ADGRA3: variants seen among roughly 807,000 people sequenced by gnomAD.
The protein encoded by ADGRA3 is G-protein coupled receptor 125.
A neutral mutation model predicts 119.8 loss-of-function variants in ADGRA3; 56 were observed. That is an observed-to-expected ratio of 0.47 (90% CI 0.38 to 0.58). The LOEUF (loss-of-function observed/expected upper bound fraction) is 0.58. ADGRA3 is among the 20% of genes least tolerant of loss of function. The probability of loss-of-function intolerance (pLI) is 0.00; values close to 1 mark genes in which losing one functional copy is unlikely to be tolerated. For synonymous variants in ADGRA3, 607 were observed against 623.8 expected, an observed-to-expected ratio of 0.97 and a Z score of 0.40; for missense variants, 1,516 against 1,649.0, an observed-to-expected ratio of 0.92 and a Z score of 1.40.
intron 16 of ADGRA3, among the ~76,000 whole-genome samples, chr4:22,400,438 A>G (rs1714566459): frequency 1.3e-5 from 2 of 152,188 alleles, no homozygotes; most frequent in Non-Finnish European, 2.9e-5. Flanking sequence ...TAAGTAAGTC[A>G]ATGAAGGACA....
At chr4:22,479,657 A>G (rs1718184994) in intron 1 of ADGRA3, among the ~76,000 whole-genome samples, 1 of 152,094 alleles carries the variant, frequency 6.6e-6, no homozygotes, top group African/African-American at 2.4e-5. Flanking sequence ...TATATACCCA[A>G]AGAATTATAA....
chr4:22,460,663 G>A (rs1477866427), intron 3 of ADGRA3, among the ~76,000 whole-genome samples: 1 of 152,164 alleles, frequency 6.6e-6, no homozygotes, highest in Non-Finnish European at 1.5e-5. Flanking sequence ...AGAGTTCTAA[G>A]CCACCTCTTT....
Position 22,401,543 on chromosome 4 carries a change from A to G in ADGRA3, c.2369T>C (p.Ile790Thr). ...AAGCATGTGCCAGCTCTTGAGGCTGATTCTAATCAAACTGTTTAAAAAAGA... is the reference window on the plus strand; with the variant it reads ...AAGCATGTGCCAGCTCTTGAGGCTGGTTCTAATCAAACTGTTTAAAAAAGA... ...SYIYHHSLIR[I>T]SLKSWHMLVN... is the part of the protein sequence containing the mutation. Residue 790 changes from isoleucine (I) to threonine (T), a missense_variant, in exon 16 of 19, where the codon ATC becomes ACC. By Grantham distance (89) the Ile-to-Thr change is moderately conservative (BLOSUM62 -1). Transcript: ENST00000334304. 1 of 1,604,792 alleles carries G rather than the reference A, an allele frequency of 6.2e-7. No individual in the cohort carries two copies. Among genetic ancestry groups the G allele is most frequent in the South Asian group, 1.1e-5 (1 of 89,152 alleles).
chr4:22,448,869 A>C (rs2012603), intron 4 of ADGRA3, among the ~76,000 whole-genome samples: 1 of 152,222 alleles, frequency 6.6e-6, no homozygotes, highest in Non-Finnish European at 1.5e-5. Context: ...AGGAAAGGGA[A>C]GTCTTTTATT....
chr4:22,422,492 ATT>A (rs1265329149), intron 11 of ADGRA3, among the ~76,000 whole-genome samples: 1 of 152,048 alleles, frequency 6.6e-6, no homozygotes, highest in Non-Finnish European at 1.5e-5. Flanking sequence ...GTGTATTCTA[ATT>A]TTTTGCTAGT....
At chr4:22,488,769 A>G (rs374285611) in intron 1 of ADGRA3, among the ~76,000 whole-genome samples, 1 of 152,338 alleles carries the variant, frequency 6.6e-6, no homozygotes, top group South Asian at 2.1e-4. Context: ...ATTTGGGGAA[A>G]ACATAATTTT....
Position 22,413,230 on chromosome 4 carries a change from A to G in ADGRA3, c.2184T>C (p.Asn728=), listed in dbSNP as rs750375309. The change falls in exon 14 of 19, where the codon AAT becomes AAC. Residue 728 remains asparagine (N), a synonymous_variant. Transcript: ENST00000334304. ...GGGAGTAGCACTGAATCGTAGTGAT[A>G]TTTTCATCTGAATAGAGTATATGGC... The part of the protein sequence containing the change: ...DGCHILYSDE[N]ITTIQCYSLS... The G allele has an allele frequency of 6.2e-7, 1 of 1,614,088 alleles. No individual in the cohort carries two copies. The highest frequency in any genetic ancestry group is 2.2e-5 in the East Asian group (1 of 44,874).
At position 22,436,567 on chromosome 4, in the gene ADGRA3, G is replaced by A. The variant is rs1474458118; in HGVS notation, c.1160C>T (p.Pro387Leu). The A allele has an allele frequency of 3.1e-6, 5 of 1,613,826 alleles. No homozygotes were observed. The highest frequency in any genetic ancestry group is 3.4e-6 in the Non-Finnish European group (4 of 1,179,988). Residue 387 changes from proline to leucine, a missense_variant, in exon 9 of 19, where the codon CCC becomes CTC. Coordinates refer to ENST00000334304, the MANE Select transcript of ADGRA3 (RefSeq NM_145290.4). ...TRNTHGSGIY[P>L]GNPQDERKAW... ...TTTTCTCTCATCCTGTGGGTTTCCGGGATATATCCCACTGCCATGGGTGTT... is the reference window on the plus strand; with the variant it reads ...TTTTCTCTCATCCTGTGGGTTTCCGAGATATATCCCACTGCCATGGGTGTT...
chr4:22,443,575 AATT>A (rs1267566613), intron 6 of ADGRA3, among the ~76,000 whole-genome samples: 22 of 152,156 alleles, frequency 1.4e-4, no homozygotes, highest in African/African-American at 3.6e-4. Flanking sequence ...TGAAGCAAGA[AATT>A]ATTAACGAGC....
At chr4:22,498,931 A>C (rs1379859036) in intron 1 of ADGRA3, among the ~76,000 whole-genome samples, 12 of 144,864 alleles carry the variant, frequency 8.3e-5, no homozygotes, top group African/African-American at 3.1e-4. Flanking sequence ...AACAAAAAAA[A>C]CAAAAAAACA....
intron 12 of ADGRA3, chr4:22,414,428 T>G (rs1715349771): frequency 4.3e-6 from 2 of 465,642 alleles, no homozygotes; most frequent in African/African-American, 4.0e-5. Flanking sequence ...TTTTTCAGAT[T>G]TCTTTATTGA....
chr4:22,388,371 G>A lies in ADGRA3; in HGVS notation c.3300C>T (p.Asn1100=), dbSNP rs769350883. The change falls in exon 19 of 19, where the codon AAC becomes AAT. Residue 1100 remains asparagine, a synonymous_variant. Transcript: ENST00000334304. ...AATTTTTGAAGCTTGAAGCACTTTTGTTTGTGCATGAAGACTCCGCACTGC... is the reference window on the plus strand; with the variant it reads ...AATTTTTGAAGCTTGAAGCACTTTTATTTGTGCATGAAGACTCCGCACTGC... ...PNSSAESSCT[N]KSASSFKNSS... The A allele has an allele frequency of 5.0e-6, 8 of 1,614,014 alleles. No individual in the cohort carries two copies. In the Admixed American group the frequency reaches 5.0e-5, roughly 10 times the overall value.
chr4:22,420,649 G>C, intron 12 of ADGRA3: 2 of 564,622 alleles, frequency 3.5e-6, no homozygotes, highest in East Asian at 5.7e-5. Context: ...GTTATAAAAT[G>C]TAATTTCTGA....
rs116595848 is a variant in ADGRA3 at position 22,435,914 on chromosome 4, T to A, written c.1288-448A>T. Among the ~76,000 whole-genome samples, 1,508 of 152,286 alleles carry A rather than the reference T, an allele frequency of 9.9e-3. 29 individuals carry two copies. Among genetic ancestry groups the A allele is most frequent in the African/African-American group, 0.034 (1,432 of 41,566 alleles). On this transcript the variant is annotated intron_variant, in intron 9 of 18. Transcript: ENST00000334304. ...CTGCCAGTAATGTTTTACATGTGTT[T>A]ATCTACTGACTCTAACACGGACTTA...
chr4:22,401,322 A>T, intron 16 of ADGRA3, 109 bp downstream of exon 16: 1 of 941,470 alleles, frequency 1.1e-6, no homozygotes, highest in Non-Finnish European at 1.5e-6. Flanking sequence ...ATTTAACTTT[A>T]ATCAGTTAAA....
intron 10 of ADGRA3, among the ~76,000 whole-genome samples, chr4:22,433,187 C>T (rs544962013): frequency 6.6e-6 from 1 of 152,306 alleles, no homozygotes; most frequent in South Asian, 2.1e-4. Context: ...AAGTTGCCAT[C>T]ACTTGCTTCC....
At chr4:22,502,549 T>C (rs928501482) in intron 1 of ADGRA3, among the ~76,000 whole-genome samples, 14 of 152,220 alleles carry the variant, frequency 9.2e-5, no homozygotes, top group Admixed American at 6.5e-4. Context: ...AGAGTGGTCA[T>C]TCAATCATGG....
intron 1 of ADGRA3, among the ~76,000 whole-genome samples, chr4:22,489,713 C>T (rs1052215254): frequency 2.0e-5 from 3 of 152,124 alleles, no homozygotes; most frequent in Admixed American, 6.5e-5. Flanking sequence ...TTCCATCACT[C>T]GGTTTCAATA....
rs1033610928 is a variant in ADGRA3, at chr4:22,443,157, C to G, written c.707-294G>C. 1.4e-5 allele frequency: 9 copies of G among 645,946 alleles called. No individual in the cohort carries two copies. In the African/African-American group the frequency reaches 1.7e-4, roughly 12 times the overall value. 40.0% of individuals were successfully genotyped at this position (645,946 alleles called of 1,614,324 possible). A position where few individuals can be genotyped will look rare whatever the true frequency, so the allele number is the denominator to read the frequency against. ...AAATGAACTAAAAGAACAAGCTGTG[C>G]TCTAGAAAATGGCATCAGTGATAAG... On this transcript the variant is annotated intron_variant, in intron 6 of 18. Coordinates refer to ENST00000334304, the MANE Select transcript of ADGRA3 (RefSeq NM_145290.4).
Sources: allele counts gnomAD v4.1 joint callset (sites outside exome capture counted in the v4.1 genomes callset), GRCh38; gene constraint gnomAD v4.1.1; transcripts MANE v1.5; gene names NCBI Gene and HGNC (gene_info 2026-07-23, HGNC 2026-07-21).